Variants in PNN observed in about 807,000 individuals in gnomAD.
PNN encodes pinin.
Under a neutral mutation model 76.6 loss-of-function variants are expected in PNN, and 38 were observed. The observed-to-expected ratio is 0.50, with a 90% CI of 0.38 to 0.65. The LOEUF (loss-of-function observed/expected upper bound fraction) is 0.65. PNN is among the 30% of genes least tolerant of loss of function. The pLI, the probability that PNN is intolerant of heterozygous loss-of-function variation, is 0.00. For missense variants in PNN, 873 were observed against 874.1 expected, an observed-to-expected ratio of 1.00 and a Z score of 0.02; for synonymous variants, 366 against 283.7, an observed-to-expected ratio of 1.29 and a Z score of -2.91.
At position 39,182,758 on chromosome 14, in the gene PNN, TAAGG is replaced by T. The variant is rs1372485178; in HGVS notation, c.*899_*902del. 2.6e-5 allele frequency: 4 copies of T among 152,676 alleles called. No homozygotes were observed. Among genetic ancestry groups the T allele is most frequent in the African/African-American group, 9.6e-5 (4 of 41,470 alleles). 9.5% of individuals were successfully genotyped at this position (152,676 alleles called of 1,614,324 possible). ...GATATGTGTTTTCAAGAATTTTGTT[TAAGG>T]AAGTATTGTATGGAAGTCCACAAAA... On this transcript the variant is annotated 3_prime_UTR_variant, in exon 9 of 9. Coordinates refer to ENST00000216832, the MANE Select transcript of PNN (RefSeq NM_002687.4).
intron 3 of PNN, among the ~76,000 whole-genome samples, 186 bp from the exon 4 acceptor site, chr14:39,177,217 CTACAAAAAG>C (rs2053233632): frequency 6.6e-6 from 1 of 152,138 alleles, no homozygotes; most frequent in Admixed American, 6.5e-5. Context: ...AATCCCATCC[CTACAAAAAG>C]TACAAAAAAG....
intron 1 of PNN, chr14:39,175,667 G>C: frequency 2.0e-6 from 1 of 495,340 alleles, no homozygotes; most frequent in Non-Finnish European, 3.6e-6. Context: ...GCTGATTCCC[G>C]CTCTCGGCCC....
rs769968782 is a variant in PNN, at chr14:39,177,646, C to T, written c.381C>T (p.Asp127=). ...VATSKERTRR[D]LIQDQNMDEK... ...CCTCCAAAGAGCGCACACGTAGAGA[C>T]CTTATCCAGGATCAAAATATGGATG... The change falls in exon 5 of 9, where the codon GAC becomes GAT. Residue 127 remains aspartate (D), a synonymous_variant. Transcript: ENST00000216832. 128 of 1,613,600 alleles carry T rather than the reference C, an allele frequency of 7.9e-5. No homozygotes were observed. The East Asian group carries it at 2.3e-3, about 29-fold the overall frequency.
chr14:39,183,140 CACTT>C lies in PNN; in HGVS notation c.*1278_*1281del, dbSNP rs2053281178. ...AGTTAGTTTTTGTGTGTATATAACT[CACTT>C]GTGTAAGTGGATGTGTTAAAAGATC... On this transcript the variant is annotated 3_prime_UTR_variant, in exon 9 of 9. Transcript: ENST00000216832. The C allele has an allele frequency of 2.0e-5, 3 of 152,408 alleles. No homozygotes were observed. The highest frequency in any genetic ancestry group is 4.1e-4 in the South Asian group (2 of 4,834). The allele number at this position is 152,408 out of a possible 1,614,324, so 9.4% of individuals were successfully genotyped here. A position where few individuals can be genotyped will look rare whatever the true frequency, so the allele number is the denominator to read the frequency against.
At position 39,178,030 on chromosome 14, in the gene PNN, C is replaced by T. The variant is rs1594554868; in HGVS notation, c.498+114C>T. 10 of 730,326 alleles carry T rather than the reference C, an allele frequency of 1.4e-5. No homozygotes were observed. The East Asian group carries it at 2.3e-4, about 16-fold the overall frequency. 45.2% of individuals were successfully genotyped at this position (730,326 alleles called of 1,614,324 possible). On this transcript the variant is annotated intron_variant, in intron 6 of 8. Transcript: ENST00000216832. ...TTAAGACCTAACTGTAAACCTGAAA[C>T]AAAGCCAAGTAAAAACTTGGTTTAA...
chr14:39,180,379 T>C (rs1225771485), intron 8 of PNN, 124 bp from the exon 9 acceptor site: 1 of 1,015,924 alleles, frequency 9.8e-7, no homozygotes. Flanking sequence ...CCATAATCTT[T>C]TGTCATAACT....
intron 6 of PNN, 90 bp from the exon 7 acceptor site, chr14:39,179,001 C>G: frequency 1.6e-6 from 2 of 1,270,218 alleles, no homozygotes; most frequent in South Asian, 1.5e-5. Flanking sequence ...TGTGTAATAA[C>G]TTTTTATCAT....
At position 39,182,114 on chromosome 14, in the gene PNN, C is replaced by G. The variant is rs1054061104; in HGVS notation, c.*251C>G. The stretch of plus-strand genomic sequence containing the variant: ...ATAATAATAAAAAAAGATTAACATC[C>G]CTTGTCATCTTTTTTAAATATCCTA... On this transcript the variant is annotated 3_prime_UTR_variant, in exon 9 of 9. Coordinates refer to ENST00000216832, the MANE Select transcript of PNN (RefSeq NM_002687.4). 8.2e-6 allele frequency: 3 copies of G among 363,950 alleles called. No individual in the cohort carries two copies. The highest frequency in any genetic ancestry group is 1.5e-5 in the Non-Finnish European group (3 of 202,840). The allele number at this position is 363,950 out of a possible 1,614,324, so 22.5% of individuals were successfully genotyped here.
Position 39,181,892 on chromosome 14 carries a change from C to T in PNN, c.*29C>T. On this transcript the variant is annotated 3_prime_UTR_variant, in exon 9 of 9. Transcript: ENST00000216832. ...AAGAAGCCAGGCTTTCTTAGCCATTCTTTGCAGCAGAAGATTTCTTGATAA... is the reference window on the plus strand; with the variant it reads ...AAGAAGCCAGGCTTTCTTAGCCATTTTTTGCAGCAGAAGATTTCTTGATAA... The T allele has an allele frequency of 6.5e-7, 1 of 1,531,180 alleles. No homozygotes were observed. Among genetic ancestry groups the T allele is most frequent in the Non-Finnish European group, 8.7e-7 (1 of 1,148,082 alleles). The allele number at this position is 1,531,180 out of a possible 1,614,324, so 94.8% of individuals were successfully genotyped here. A position where few individuals can be genotyped will look rare whatever the true frequency, so the allele number is the denominator to read the frequency against.
Position 39,183,087 on chromosome 14 carries a change from T to A in PNN, c.*1224T>A, listed in dbSNP as rs2053280891. ...TGCCTTCCCTTGACAAGTAAATGGTTACAGTGAAAATGTGAAGAAGTATTT... is the reference window on the plus strand; with the variant it reads ...TGCCTTCCCTTGACAAGTAAATGGTAACAGTGAAAATGTGAAGAAGTATTT... On this transcript the variant is annotated 3_prime_UTR_variant, in exon 9 of 9. Transcript: ENST00000216832. The A allele has an allele frequency of 6.6e-6, 1 of 152,670 alleles. No individual in the cohort carries two copies. The highest frequency in any genetic ancestry group is 6.5e-5 in the Admixed American group (1 of 15,276). 9.5% of individuals were successfully genotyped at this position (152,670 alleles called of 1,614,324 possible).
intron 3 of PNN, 67 bp from the exon 4 acceptor site, chr14:39,177,345 C>G: frequency 1.6e-6 from 2 of 1,289,530 alleles, no homozygotes; most frequent in South Asian, 1.3e-5. Context: ...GTGGTGGCAC[C>G]ACTGCACTTC....
intron 2 of PNN, 21 bp from the exon 3 acceptor site, chr14:39,176,506 G>A: frequency 6.4e-7 from 1 of 1,559,142 alleles, no homozygotes; most frequent in South Asian, 1.1e-5. Flanking sequence ...AGTGTTTTAT[G>A]TTGAACATTT....
At position 39,177,539 on chromosome 14, in the gene PNN, A is replaced by T. The variant is rs777670176; in HGVS notation, c.328-54A>T. The T allele has an allele frequency of 4.4e-6, 7 of 1,596,288 alleles. No individual in the cohort carries two copies. The Admixed American group carries it at 5.0e-5, about 11-fold the overall frequency. ...GTAGTACCTTCACTTTACTACATTT[A>T]AAAGCACACCACTCATATGCTAGTT... On this transcript the variant is annotated intron_variant, in intron 4 of 8. Coordinates refer to ENST00000216832, the MANE Select transcript of PNN (RefSeq NM_002687.4).
rs1461706265 is a variant in PNN, at chr14:39,178,712, C to A, written c.499-379C>A. 4.9e-5 allele frequency among the ~76,000 whole-genome samples: 7 copies of A among 143,134 alleles called. 1 individual carries two copies. The East Asian group carries it at 6.0e-4, about 12-fold the overall frequency. 93.9% of individuals were successfully genotyped at this position (143,134 alleles called of 152,430 possible). A position where few individuals can be genotyped will look rare whatever the true frequency, so the allele number is the denominator to read the frequency against. On this transcript the variant is annotated intron_variant, in intron 6 of 8. Coordinates refer to ENST00000216832, the MANE Select transcript of PNN (RefSeq NM_002687.4). The stretch of plus-strand genomic sequence containing the variant: ...AGCCACTGTGCCCGGCCTGCAGATA[C>A]CTTTACATAGTGAAAAAAAAAAAAA...
chr14:39,176,039 C>T (rs1236663965), intron 1 of PNN, 39 bp from the exon 2 acceptor site: 1 of 1,119,902 alleles, frequency 8.9e-7, no homozygotes, highest in African/African-American at 1.5e-5. Context: ...CTGTGTGTGT[C>T]TACATATGAT....
rs750378527 is a variant in PNN at position 39,181,139 on chromosome 14, A to G, written c.1430A>G (p.Gln477Arg). Residue 477 changes from glutamine (Q) to arginine (R), a missense_variant, in exon 9 of 9, where the codon CAG (glutamine) becomes CGG (arginine). Coordinates refer to ENST00000216832, the MANE Select transcript of PNN (RefSeq NM_002687.4). ...EPQPEPVAQP[Q>R]PQSQPQLQLQ... ...CAACCTGAGCCTGTGGCTCAACCTC[A>G]GCCTCAGTCTCAGCCCCAGCTTCAG... 6.2e-7 allele frequency: 1 copy of G among 1,607,118 alleles called. No homozygotes were observed. The highest frequency in any genetic ancestry group is 1.3e-5 in the African/African-American group (1 of 74,780).
chr14:39,179,826 T>C (rs2053256735), intron 8 of PNN, among the ~76,000 whole-genome samples: 1 of 150,852 alleles, frequency 6.6e-6, no homozygotes, highest in South Asian at 2.1e-4. Context: ...CACTTGAACC[T>C]GGGAGGCAGA....
intron 8 of PNN, among the ~76,000 whole-genome samples, chr14:39,180,283 GT>G (rs2053259821): frequency 6.6e-6 from 1 of 152,160 alleles, no homozygotes; most frequent in African/African-American, 2.4e-5. Context: ...AAAATGTGTA[GT>G]TCTGTCTGCC....
chr14:39,180,100 C>G (rs1235001427), intron 8 of PNN, among the ~76,000 whole-genome samples: 1 of 152,104 alleles, frequency 6.6e-6, no homozygotes, highest in Non-Finnish European at 1.5e-5. Context: ...TGAAAACCAA[C>G]TCAGTTTCTA....
Sources: allele counts gnomAD v4.1 joint callset (sites outside exome capture counted in the v4.1 genomes callset), GRCh38; gene constraint gnomAD v4.1.1; transcripts MANE v1.5; gene names NCBI Gene and HGNC (gene_info 2026-07-23, HGNC 2026-07-21).